The following EPYC variants were observed in gnomAD, a reference collection of about 807,000 sequenced individuals.
EPYC encodes epiphycan, also known as dermatan sulfate proteoglycan 3.
A neutral mutation model predicts 30.1 loss-of-function variants in EPYC; 28 were observed. That is an observed-to-expected ratio of 0.93 (90% CI 0.69 to 1.28). The LOEUF (loss-of-function observed/expected upper bound fraction) is 1.28. Among genes scored for constraint, EPYC ranks in the 50% most tolerant of loss-of-function variants. The pLI, the probability that EPYC is intolerant of heterozygous loss-of-function variation, is 0.00. For synonymous variants in EPYC, 144 were observed against 141.4 expected, an observed-to-expected ratio of 1.02 and a Z score of -0.13; for missense variants, 382 against 383.5, an observed-to-expected ratio of 1.00 and a Z score of 0.03.
At chr12:90,999,506 A>G (rs552294714) in intron 2 of EPYC, among the ~76,000 whole-genome samples, 3 of 152,126 alleles carry the variant, frequency 2.0e-5, no homozygotes, top group Admixed American at 1.3e-4. Context: ...AAATATGAAG[A>G]ATCTCATCCT....
intron 5 of EPYC, 74 bp from the exon 6 acceptor site, chr12:90,970,213 T>G: frequency 1.4e-4 from 141 of 983,978 alleles, no homozygotes; most frequent in Middle Eastern, 4.4e-4. Context: ...AACACAGCTG[T>G]ATTTCCCATT....
rs899999184 is a variant in EPYC, at chr12:91,001,391, T to A, written c.165+1010A>T. On this transcript the variant is annotated intron_variant, in intron 2 of 6. Transcript: ENST00000261172. The stretch of plus-strand genomic sequence containing the variant: ...GATTGCCCAAAATATGTTATGATCC[T>A]TTAAAGGTGATGTAATTTCTCTTTT... Among the ~76,000 whole-genome samples, 8 of 152,156 alleles carry A rather than the reference T, an allele frequency of 5.3e-5. No individual in the cohort carries two copies. The East Asian group carries it at 1.5e-3, about 29-fold the overall frequency.
chr12:90,999,973 C>G (rs1476275820), intron 2 of EPYC, among the ~76,000 whole-genome samples: 1 of 151,844 alleles, frequency 6.6e-6, no homozygotes, highest in Non-Finnish European at 1.5e-5. Flanking sequence ...TTTCTTGTTA[C>G]TAGGTCTACC....
At chr12:91,002,189 C>CAAAAAAAAAAAA (rs34987645) in intron 2 of EPYC, among the ~76,000 whole-genome samples, 2 of 73,464 alleles carry the variant, frequency 2.7e-5, no homozygotes, top group East Asian at 4.1e-4. Flanking sequence ...GACACTGTCT[C>CAAAAAAAAAAAA]AAAAAAAAAA....
chr12:90,980,719 A>G (rs1277376730), intron 2 of EPYC, among the ~76,000 whole-genome samples: 2 of 152,164 alleles, frequency 1.3e-5, no homozygotes, highest in Non-Finnish European at 2.9e-5. Context: ...CTCAAGCTAC[A>G]ATTGGTAATA....
intron 2 of EPYC, among the ~76,000 whole-genome samples, chr12:90,982,339 C>A (rs774382776): frequency 3.9e-5 from 6 of 152,034 alleles, no homozygotes; most frequent in Non-Finnish European, 8.8e-5. Context: ...AGTATACAGT[C>A]CAATGTTTTT....
chr12:90,990,014 A>T lies in EPYC; in HGVS notation c.166-11752T>A, dbSNP rs372606761. ...CTTGTTCCCCATGTAAGGATGCCAG[A>T]AAGACAATTTAGGCAATTTAATGTA... On this transcript the variant is annotated intron_variant, in intron 2 of 6. Coordinates refer to ENST00000261172, the MANE Select transcript of EPYC (RefSeq NM_004950.5). Among the ~76,000 whole-genome samples, 9 of 152,180 alleles carry T rather than the reference A, an allele frequency of 5.9e-5. No individual in the cohort carries two copies. In the East Asian group the frequency reaches 1.4e-3, roughly 23 times the overall value.
chr12:90,999,212 G>C (rs1182495053), intron 2 of EPYC, among the ~76,000 whole-genome samples: 2 of 151,840 alleles, frequency 1.3e-5, no homozygotes, highest in East Asian at 3.9e-4. Context: ...GATTATAGAG[G>C]GCATGGGTAT....
chr12:90,975,961 T>G (rs1448515796), intron 3 of EPYC, among the ~76,000 whole-genome samples: 2 of 152,248 alleles, frequency 1.3e-5, no homozygotes, highest in East Asian at 3.9e-4. Context: ...ACACATTTTA[T>G]AGTATGTCAG....
chr12:91,002,292 A>C, intron 2 of EPYC, 109 bp downstream of exon 2: 1 of 893,100 alleles, frequency 1.1e-6, no homozygotes, highest in Non-Finnish European at 1.7e-6. Context: ...TTATTAACAT[A>C]AAATCTTTCT....
chr12:90,971,886 G>A lies in EPYC; in HGVS notation c.616C>T (p.Leu206Phe). 1.2e-6 allele frequency: 2 copies of A among 1,612,016 alleles called. No individual in the cohort carries two copies. The highest frequency in any genetic ancestry group is 1.7e-6 in the Non-Finnish European group (2 of 1,179,064). ...LVLRDNKIRQ[L>F]PELPTTLTFI... ...GTCAAAGTGGTTGGCAATTCTGGGA[G>A]CTGCCTTATTTTGTTGTCACGCAGG... is the stretch of plus-strand genomic sequence containing the variant. The change falls in exon 5 of 7, where the codon CTC (leucine) becomes TTC (phenylalanine). Residue 206 changes from leucine (L) to phenylalanine (F), a missense_variant. Leu to Phe is a conservative substitution (Grantham distance 22). Coordinates refer to ENST00000261172, the MANE Select transcript of EPYC (RefSeq NM_004950.5).
chr12:90,984,522 A>G (rs1258807992), intron 2 of EPYC, among the ~76,000 whole-genome samples: 1 of 151,980 alleles, frequency 6.6e-6, no homozygotes, highest in African/African-American at 2.4e-5. Context: ...TGTGATGGGG[A>G]AAAATGGCCA....
At chr12:90,993,945 C>G (rs1469833574) in intron 2 of EPYC, among the ~76,000 whole-genome samples, 2 of 152,038 alleles carry the variant, frequency 1.3e-5, no homozygotes, top group African/African-American at 4.8e-5. Flanking sequence ...ATAACAGATT[C>G]AAGAACATCA....
At chr12:90,964,371 TAGTATTG>T (rs1876841654) in intron 6 of EPYC, 45 bp from the exon 7 acceptor site, 3 of 1,436,400 alleles carry the variant, frequency 2.1e-6, no homozygotes, top group African/African-American at 2.8e-5. Flanking sequence ...AACACATTCT[TAGTATTG>T]ATTGATAGCG....
chr12:90,977,793 C>T (rs1877221694), intron 3 of EPYC, among the ~76,000 whole-genome samples: 1 of 152,114 alleles, frequency 6.6e-6, no homozygotes, highest in Non-Finnish European at 1.5e-5. Context: ...TTATCCTGCT[C>T]ATCAATTACT....
At chr12:90,977,035 T>G (rs1877201602) in intron 3 of EPYC, among the ~76,000 whole-genome samples, 1 of 152,132 alleles carries the variant, frequency 6.6e-6, no homozygotes, top group Non-Finnish European at 1.5e-5. Flanking sequence ...AGTATGAAAA[T>G]GGATTAATAC....
At chr12:90,970,602 A>T (rs1877014955) in intron 5 of EPYC, among the ~76,000 whole-genome samples, 1 of 152,210 alleles carries the variant, frequency 6.6e-6, no homozygotes. Context: ...AAGACAAAAA[A>T]CATTTAGACA....
At position 91,002,189 on chromosome 12, in the gene EPYC, C is replaced by CAAAAAAA. The variant is rs34987645; in HGVS notation, c.165+205_165+211dup. Among the ~76,000 whole-genome samples, 546 of 73,302 alleles carry CAAAAAAA rather than the reference C, an allele frequency of 7.4e-3. 4 individuals carry two copies. The highest frequency in any genetic ancestry group is 0.015 in the East Asian group (37 of 2,454). The allele number at this position is 73,302 out of a possible 152,430, so 48.1% of individuals were successfully genotyped here. On this transcript the variant is annotated intron_variant, in intron 2 of 6. Coordinates refer to ENST00000261172, the MANE Select transcript of EPYC (RefSeq NM_004950.5). Reference sequence around the variant, plus strand: ...TGGGAGATGGAGCAAGACACTGTCTCAAAAAAAAAAAAAAAAAAAAAAGGG... The same window carrying CAAAAAAA: ...TGGGAGATGGAGCAAGACACTGTCTCAAAAAAAAAAAAAAAAAAAAAAAAAAAAAGGG...
intron 5 of EPYC, among the ~76,000 whole-genome samples, chr12:90,970,983 A>G (rs1312575547): frequency 6.6e-6 from 1 of 152,220 alleles, no homozygotes; most frequent in Non-Finnish European, 1.5e-5. Flanking sequence ...TTTCAAAGCA[A>G]GTCCTCTAGC....
Sources: allele counts gnomAD v4.1 joint callset (sites outside exome capture counted in the v4.1 genomes callset), GRCh38; gene constraint gnomAD v4.1.1; transcripts MANE v1.5; gene names NCBI Gene and HGNC (gene_info 2026-07-23, HGNC 2026-07-21).